The following PRKG1 variants were observed in gnomAD, a reference collection of about 807,000 sequenced individuals.
The protein encoded by PRKG1 is cGMP-dependent protein kinase 1.
A neutral mutation model predicts 88.1 loss-of-function variants in PRKG1; 35 were observed. The observed-to-expected ratio is 0.40, with a 90% CI of 0.30 to 0.53. The LOEUF (loss-of-function observed/expected upper bound fraction) is 0.53. PRKG1 is among the 20% of genes least tolerant of loss of function. The probability of loss-of-function intolerance (pLI) is 0.59; values close to 1 mark genes in which losing one functional copy is unlikely to be tolerated. For synonymous variants in PRKG1, 303 were observed against 292.5 expected (o/e 1.04, Z -0.37); for missense variants, 540 against 839.8 (o/e 0.64, Z 4.41).
At chr10:51,880,531 T>C (rs889204701) in intron 4 of PRKG1, among the ~76,000 whole-genome samples, 51 of 152,296 alleles carry the variant, frequency 3.3e-4, no homozygotes, top group African/African-American at 1.2e-3. Flanking sequence ...GGAATAAAGC[T>C]TTGTAAATAA....
At chr10:51,540,778 G>A (rs1287747457) in intron 3 of PRKG1, among the ~76,000 whole-genome samples, 5 of 152,080 alleles carry the variant, frequency 3.3e-5, no homozygotes, top group Admixed American at 6.6e-5. Flanking sequence ...GGAGTGCAGT[G>A]GCATTATCTC....
chr10:52,135,258 T>C (rs1221166660), intron 8 of PRKG1, among the ~76,000 whole-genome samples: 1 of 152,016 alleles, frequency 6.6e-6, no homozygotes, highest in Non-Finnish European at 1.5e-5. Flanking sequence ...GTGTAAGAAT[T>C]ACTCATAGGA....
chr10:52,267,764 C>G (rs1251911828), intron 10 of PRKG1, among the ~76,000 whole-genome samples: 1 of 151,798 alleles, frequency 6.6e-6, no homozygotes, highest in Non-Finnish European at 1.5e-5. Flanking sequence ...GGTTATTTTT[C>G]CGTAATGTTA....
chr10:52,294,908 A>G lies in PRKG1; in HGVS notation c.*1008A>G, dbSNP rs1842350313. 1 of 152,572 alleles carries G rather than the reference A, an allele frequency of 6.6e-6. No individual in the cohort carries two copies. The highest frequency in any genetic ancestry group is 2.4e-5 in the African/African-American group (1 of 41,464). 9.5% of individuals were successfully genotyped at this position (152,572 alleles called of 1,614,324 possible). On this transcript the variant is annotated 3_prime_UTR_variant, in exon 18 of 18. Transcript: ENST00000373980. ...CATCTGTAAATGTCAGTGTCTGAAC[A>G]GACAACACAAATTCAAATCATTATA...
At chr10:51,664,542 T>A (rs1397843237) in intron 3 of PRKG1, among the ~76,000 whole-genome samples, 2 of 152,158 alleles carry the variant, frequency 1.3e-5, no homozygotes, top group Admixed American at 6.6e-5. Flanking sequence ...AACACTGGGC[T>A]TAAAGCATTT....
chr10:51,878,345 A>G (rs1841352672), intron 4 of PRKG1, among the ~76,000 whole-genome samples: 1 of 152,078 alleles, frequency 6.6e-6, no homozygotes, highest in South Asian at 2.1e-4. Flanking sequence ...ACTATGTTGA[A>G]CAGGGGGAAG....
intron 10 of PRKG1, among the ~76,000 whole-genome samples, chr10:52,260,430 G>C (rs975802693): frequency 2.0e-5 from 3 of 152,096 alleles, no homozygotes; most frequent in Non-Finnish European, 4.4e-5. Context: ...GTCAGAAAGA[G>C]AGTTGAATTT....
At chr10:51,092,552 A>G (rs1402367357) in intron 1 of PRKG1, among the ~76,000 whole-genome samples, 4 of 152,162 alleles carry the variant, frequency 2.6e-5, no homozygotes, top group African/African-American at 9.7e-5. Context: ...TGTGTTCCCC[A>G]GAAGCCTTTG....
chr10:51,649,010 AC>A (rs1285487290), intron 3 of PRKG1, among the ~76,000 whole-genome samples: 1 of 152,066 alleles, frequency 6.6e-6, no homozygotes, highest in African/African-American at 2.4e-5. Flanking sequence ...TTGAAACTAA[AC>A]CCCGTCTCTA....
intron 3 of PRKG1, among the ~76,000 whole-genome samples, chr10:51,803,471 G>A (rs550939260): frequency 4.3e-4 from 65 of 152,144 alleles, no homozygotes; most frequent in Admixed American, 2.6e-4. Context: ...TCCCCTGTTC[G>A]TTTGTGTGTA....
intron 3 of PRKG1, among the ~76,000 whole-genome samples, chr10:51,508,822 G>C (rs1323368276): frequency 1.3e-5 from 2 of 152,056 alleles, no homozygotes; most frequent in African/African-American, 4.8e-5. Flanking sequence ...AATCTACCTT[G>C]TATAAAAGTG....
At chr10:51,729,706 CAAAAAAAAAAAAA>C (rs34900286) in intron 3 of PRKG1, among the ~76,000 whole-genome samples, 2 of 28,782 alleles carry the variant, frequency 6.9e-5, no homozygotes, top group Non-Finnish European at 1.2e-4. Flanking sequence ...GACTCCATCT[CAAAAAAAAAAAAA>C]AAAAAAAAAA....
upstream of PRKG1, among the ~76,000 whole-genome samples, chr10:51,073,211 T>C (rs1564588868): frequency 6.6e-6 from 1 of 152,118 alleles, no homozygotes; most frequent in Non-Finnish European, 1.5e-5. Context: ...GTGATCATTT[T>C]GGGGAATATT....
At chr10:52,195,186 C>CA (rs1276120224) in intron 9 of PRKG1, among the ~76,000 whole-genome samples, 1 of 151,262 alleles carries the variant, frequency 6.6e-6, no homozygotes, top group African/African-American at 2.4e-5. Flanking sequence ...CCAGAAAACT[C>CA]AAAGTGAGCT....
At chr10:51,872,929 T>C (rs768128611) in intron 4 of PRKG1, among the ~76,000 whole-genome samples, 7 of 152,076 alleles carry the variant, frequency 4.6e-5, no homozygotes, top group Non-Finnish European at 1.0e-4. Context: ...TTAAAATAAA[T>C]TGAAAAATAA....
chr10:52,181,254 A>C (rs1276870298), intron 9 of PRKG1, among the ~76,000 whole-genome samples: 1 of 152,018 alleles, frequency 6.6e-6, no homozygotes, highest in Non-Finnish European at 1.5e-5. Flanking sequence ...ATGGCTTCTT[A>C]GCTAACTTAG....
chr10:52,214,017 G>A (rs1042378552), intron 9 of PRKG1, among the ~76,000 whole-genome samples: 3 of 152,070 alleles, frequency 2.0e-5, no homozygotes, highest in Admixed American at 1.3e-4. Context: ...GAGCATTTAC[G>A]ATGTGGAATA....
At position 51,462,734 on chromosome 10, in the gene PRKG1, A is replaced by G. The variant is rs186957019; in HGVS notation, c.479-4989A>G. On this transcript the variant is annotated intron_variant, in intron 2 of 17. Transcript: ENST00000373980. The stretch of plus-strand genomic sequence containing the variant: ...GCCAGGAGCGATAAAAGAGCTAAAT[A>G]AAACTATAAATAACCCTTTAAACGT... 2.8e-3 allele frequency among the ~76,000 whole-genome samples: 426 copies of G among 152,326 alleles called. 1 individual carries two copies. Among genetic ancestry groups the G allele is most frequent in the African/African-American group, 9.5e-3 (395 of 41,576 alleles).
At position 51,103,135 on chromosome 10, in the gene PRKG1, A is replaced by AC. The variant is rs924156406; in HGVS notation, c.311+28234_311+28235insC. On this transcript the variant is annotated intron_variant, in intron 1 of 17. Transcript: ENST00000373980. ...AACAAATGGCTAAATATTCAAAAGT[A>AC]AAAAAAAAATAGTTAGAAAATGAGA... Among the ~76,000 whole-genome samples, 3 of 45,804 alleles carry AC rather than the reference A, an allele frequency of 6.5e-5. No homozygotes were observed. In the East Asian group the frequency reaches 1.6e-3, roughly 25 times the overall value. 30.0% of individuals were successfully genotyped at this position (45,804 alleles called of 152,430 possible).
Sources: allele counts gnomAD v4.1 joint callset (sites outside exome capture counted in the v4.1 genomes callset), GRCh38; gene constraint gnomAD v4.1.1; transcripts MANE v1.5; gene names NCBI Gene and HGNC (gene_info 2026-07-23, HGNC 2026-07-21).